The following KCNIP1 variants were observed in gnomAD, a reference collection of about 807,000 sequenced individuals.
KCNIP1 encodes potassium voltage-gated channel interacting protein 1.
Under a neutral mutation model 33.0 loss-of-function variants are expected in KCNIP1, and 18 were observed. That is an observed-to-expected ratio of 0.55 (90% CI 0.38 to 0.81). The LOEUF is 0.81. Among genes scored for constraint, KCNIP1 ranks in the 30% least tolerant of loss-of-function variants. KCNIP1 has a pLI of 0.00. For synonymous variants in KCNIP1, 93 were observed against 98.3 expected (o/e 0.95, Z 0.32); for missense variants, 238 against 271.6 (o/e 0.88, Z 0.87).
At chr5:170,496,008 G>A (rs761983337) in intron 1 of KCNIP1, among the ~76,000 whole-genome samples, 8 of 152,168 alleles carry the variant, frequency 5.3e-5, no homozygotes, top group Admixed American at 2.6e-4. Flanking sequence ...TCAGCGGGCC[G>A]TGCAGGGTCA....
chr5:170,475,376 G>A (rs181969800), intron 1 of KCNIP1, among the ~76,000 whole-genome samples: 13 of 152,218 alleles, frequency 8.5e-5, no homozygotes, highest in African/African-American at 2.4e-4. Flanking sequence ...AGTGTTATTC[G>A]AACAAAGCTT....
Position 170,585,881 on chromosome 5 carries a change from C to G in KCNIP1, c.61+81248C>G, listed in dbSNP as rs1394207495. On this transcript the variant is annotated intron_variant, in intron 1 of 7. Coordinates refer to ENST00000328939, the MANE Select transcript of KCNIP1 (RefSeq NM_014592.4). ...GCTTTAGAGCACTCTGCATCCCCAA[C>G]CCTGGCCCTCCAAGCCCTGCAGGAG... Among the ~76,000 whole-genome samples the G allele has an allele frequency of 1.6e-4, 24 of 152,212 alleles. 1 individual carries two copies. Among genetic ancestry groups the G allele is most frequent in the Admixed American group, 1.6e-3 (24 of 15,280 alleles).
intron 1 of KCNIP1, among the ~76,000 whole-genome samples, chr5:170,392,224 A>T (rs988438233): frequency 1.3e-5 from 2 of 152,144 alleles, no homozygotes; most frequent in Non-Finnish European, 2.9e-5. Flanking sequence ...AAGCCTGCAG[A>T]CAGTTCCAGC....
At chr5:170,719,791 G>A (rs1287033302) in intron 2 of KCNIP1, among the ~76,000 whole-genome samples, 1 of 152,184 alleles carries the variant, frequency 6.6e-6, no homozygotes, top group Non-Finnish European at 1.5e-5. Context: ...CTACCATTAG[G>A]GCTTCTTTCC....
intron 1 of KCNIP1, chr5:170,389,119 C>G (rs1182624032): frequency 6.6e-6 from 1 of 152,344 alleles, no homozygotes; most frequent in Non-Finnish European, 1.5e-5. Context: ...GGCCCTCCAT[C>G]CAGAAGGACA....
chr5:170,669,614 G>T lies in KCNIP1; in HGVS notation c.62-49144G>T, dbSNP rs1461554876. ...GTGGATACCGCTGGATCAGCAGAAG[G>T]TTATACCATTTTAGAGTAACTATCT... On this transcript the variant is annotated intron_variant, in intron 1 of 7. Coordinates refer to ENST00000328939, the MANE Select transcript of KCNIP1 (RefSeq NM_014592.4). The T allele has an allele frequency of 7.1e-6, 7 of 985,418 alleles. No individual in the cohort carries two copies. In the Admixed American group the frequency reaches 4.3e-4, roughly 61 times the overall value. 61.0% of individuals were successfully genotyped at this position (985,418 alleles called of 1,614,324 possible). A position where few individuals can be genotyped will look rare whatever the true frequency, so the allele number is the denominator to read the frequency against.
At chr5:170,479,823 A>G (rs1756937978) in intron 1 of KCNIP1, among the ~76,000 whole-genome samples, 3 of 152,216 alleles carry the variant, frequency 2.0e-5, no homozygotes, top group South Asian at 4.1e-4. Context: ...TTAACATTTA[A>G]CTTCCGAATT....
rs1318482810 is a variant in KCNIP1, at chr5:170,489,511, C to T, written c.88+135547C>T. Among the ~76,000 whole-genome samples the T allele has an allele frequency of 6.6e-6, 1 of 152,290 alleles. No individual in the cohort carries two copies. Among genetic ancestry groups the T allele is most frequent in the East Asian group, 1.9e-4 (1 of 5,160 alleles). On this transcript the variant is annotated intron_variant, in intron 1 of 7. Transcript: ENST00000377360. This position sits in a 1 kb window ranked among gnomAD's most constrained non-coding sequence, Gnocchi z 4.3. Reference sequence around the variant, plus strand: ...CTCCTTCTTTCTCCATATTGCTAGACCCCCTTCTCTTGGTCCCCTGCCTCC... The same window carrying T: ...CTCCTTCTTTCTCCATATTGCTAGATCCCCTTCTCTTGGTCCCCTGCCTCC...
At chr5:170,420,066 A>C (rs1194585741) in intron 1 of KCNIP1, among the ~76,000 whole-genome samples, 1 of 152,116 alleles carries the variant, frequency 6.6e-6, no homozygotes, top group East Asian at 1.9e-4. Context: ...GTAACATTAC[A>C]TTTTTTCATA....
chr5:170,496,071 G>A (rs1168238381), intron 1 of KCNIP1, among the ~76,000 whole-genome samples: 1 of 152,166 alleles, frequency 6.6e-6, no homozygotes, highest in Non-Finnish European at 1.5e-5. Flanking sequence ...TCAGGCAGCG[G>A]CAGGGTTACT....
intron 1 of KCNIP1, among the ~76,000 whole-genome samples, chr5:170,449,445 G>A (rs929365818): frequency 6.6e-6 from 1 of 152,196 alleles, no homozygotes; most frequent in East Asian, 1.9e-4. Flanking sequence ...GCAGAGCCTG[G>A]CACTTCCAGG....
chr5:170,571,516 G>T (rs1229250696), intron 1 of KCNIP1, among the ~76,000 whole-genome samples: 1 of 152,190 alleles, frequency 6.6e-6, no homozygotes, highest in African/African-American at 2.4e-5. Flanking sequence ...CTGACTCCTA[G>T]GTATTTTTCC....
intron 1 of KCNIP1, among the ~76,000 whole-genome samples, chr5:170,371,665 G>A (rs1763849232): frequency 6.6e-6 from 1 of 152,182 alleles, no homozygotes; most frequent in African/African-American, 2.4e-5. Context: ...AATGAGCTGT[G>A]CCTGGAAAGA....
At chr5:170,460,361 C>A (rs1421619535) in intron 1 of KCNIP1, among the ~76,000 whole-genome samples, 1 of 151,994 alleles carries the variant, frequency 6.6e-6, no homozygotes, top group African/African-American at 2.4e-5. Flanking sequence ...ATCCTAATAC[C>A]AAAACCAGGA....
At chr5:170,505,371 G>T (rs2113240514) in intron 1 of KCNIP1, among the ~76,000 whole-genome samples, 1 of 152,306 alleles carries the variant, frequency 6.6e-6, no homozygotes, top group South Asian at 2.1e-4. Context: ...GAACCAGTGT[G>T]TTGGGCCCTG....
chr5:170,708,622 G>T (rs1426665268), intron 1 of KCNIP1, among the ~76,000 whole-genome samples: 1 of 152,220 alleles, frequency 6.6e-6, no homozygotes, highest in African/African-American at 2.4e-5. Context: ...AATTGAATTA[G>T]GCTAGGCATG....
intron 1 of KCNIP1, among the ~76,000 whole-genome samples, chr5:170,543,502 G>A (rs1215471078): frequency 2.0e-5 from 3 of 152,184 alleles, no homozygotes; most frequent in Non-Finnish European, 2.9e-5. Flanking sequence ...GAATTACCAA[G>A]TGTTGACTTT....
At chr5:170,586,851 C>T (rs111654200) in intron 1 of KCNIP1, among the ~76,000 whole-genome samples, 1 of 152,240 alleles carries the variant, frequency 6.6e-6, no homozygotes, top group African/African-American at 2.4e-5. Context: ...ATTTAGTCAA[C>T]AACTGTGGAT....
At chr5:170,636,776 C>A (rs1760298498) in intron 1 of KCNIP1, among the ~76,000 whole-genome samples, 1 of 152,140 alleles carries the variant, frequency 6.6e-6, no homozygotes, top group South Asian at 2.1e-4. Flanking sequence ...TTACTGAGCA[C>A]CTCCTGTAAA....
Sources: allele counts gnomAD v4.1 joint callset (sites outside exome capture counted in the v4.1 genomes callset), GRCh38; gene constraint gnomAD v4.1.1; non-coding constraint Gnocchi (gnomAD v3.1); transcripts MANE v1.5; gene names NCBI Gene and HGNC (gene_info 2026-07-23, HGNC 2026-07-21).